Variants in STRBP observed in about 807,000 individuals in gnomAD.
STRBP encodes the protein spermatid perinuclear RNA binding protein.
Under a neutral mutation model 80.1 loss-of-function variants are expected in STRBP, and 13 were observed. The observed-to-expected ratio is 0.16, with a 90% CI of 0.11 to 0.26. The LOEUF is 0.26. STRBP is among the 10% of genes least tolerant of loss of function. The pLI is 1.00. For synonymous variants in STRBP, 284 were observed against 291.2 expected, an observed-to-expected ratio of 0.98 and a Z score of 0.25; for missense variants, 485 against 815.2, an observed-to-expected ratio of 0.59 and a Z score of 4.93.
At chr9:123,267,122 C>G (rs2041285238) in intron 1 of STRBP, among the ~76,000 whole-genome samples, 2 of 146,752 alleles carry the variant, frequency 1.4e-5, no homozygotes, top group Admixed American at 1.3e-4. Flanking sequence ...TTTCCCCACC[C>G]CCTTTTGCCC....
rs1242663368 is a variant in STRBP at position 123,258,718 on chromosome 9, G to A, written c.-302+9718C>T. On this transcript the variant is annotated intron_variant, in intron 1 of 18. Transcript: ENST00000348403. ...ACTCAGGAGGCTGAGGCAGAATGGT[G>A]TGAACCCCGGAGGCAGAGCTTGCAG... Among the ~76,000 whole-genome samples, 4 of 151,470 alleles carry A rather than the reference G, an allele frequency of 2.6e-5. No individual in the cohort carries two copies. In the East Asian group the frequency reaches 7.8e-4, roughly 29 times the overall value.
chr9:123,204,996 G>A (rs1196789170), intron 2 of STRBP, among the ~76,000 whole-genome samples: 4 of 149,130 alleles, frequency 2.7e-5, no homozygotes, highest in African/African-American at 9.9e-5. Flanking sequence ...AGGCACGGTA[G>A]CTCACACGCC....
intron 1 of STRBP, among the ~76,000 whole-genome samples, chr9:123,245,812 GTTGT>G (rs1047749240): frequency 6.6e-5 from 10 of 152,188 alleles, no homozygotes; most frequent in African/African-American, 2.2e-4. Context: ...ATTATTAACA[GTTGT>G]TAAGGATCTG....
rs535767658 is a variant in STRBP at position 123,218,518 on chromosome 9, C to T, written c.-165+18312G>A. Among the ~76,000 whole-genome samples the T allele has an allele frequency of 2.5e-4, 37 of 150,692 alleles. No homozygotes were observed. The South Asian group carries it at 3.6e-3, about 15-fold the overall frequency. Reference sequence around the variant, plus strand: ...CCGAGTAGCTGGGACTACAGGCGCCCGCCACCGCGCCCGGCTAATTTTTTG... The same window carrying T: ...CCGAGTAGCTGGGACTACAGGCGCCTGCCACCGCGCCCGGCTAATTTTTTG... On this transcript the variant is annotated intron_variant, in intron 2 of 18. Transcript: ENST00000348403.
At chr9:123,187,550 T>C (rs2038748075) in intron 2 of STRBP, among the ~76,000 whole-genome samples, 2 of 152,238 alleles carry the variant, frequency 1.3e-5, no homozygotes, top group African/African-American at 4.8e-5. Flanking sequence ...TAAATTTCTC[T>C]GAAAAACTAA....
Position 123,128,218 on chromosome 9 carries a change from G to A in STRBP, c.1938C>T (p.Ala646=). 1 of 1,614,180 alleles carries A rather than the reference G, an allele frequency of 6.2e-7. No homozygotes were observed. Among genetic ancestry groups the A allele is most frequent in the Non-Finnish European group, 8.5e-7 (1 of 1,180,022 alleles). The change falls in exon 18 of 19, where the codon GCC becomes GCT. Residue 646 remains alanine, a synonymous_variant. Coordinates refer to ENST00000348403, the MANE Select transcript of STRBP (RefSeq NM_018387.5). ...TCAGTAAGATGGTGTACGTACCATA[G>A]GCAGGGGCAGCTGTGCTGTAACCAT... ...TPYGYSTAAP[A]YGLPKRMVLL...
At chr9:123,174,511 T>C (rs1286188455) in intron 4 of STRBP, among the ~76,000 whole-genome samples, 2 of 152,220 alleles carry the variant, frequency 1.3e-5, no homozygotes, top group East Asian at 3.8e-4. Context: ...TACCACTGTA[T>C]ATTGGGAAAG....
intron 2 of STRBP, among the ~76,000 whole-genome samples, chr9:123,223,534 T>C (rs752269870): frequency 5.3e-5 from 8 of 152,152 alleles, no homozygotes; most frequent in Non-Finnish European, 4.4e-5. Flanking sequence ...GTTAAAGAAA[T>C]ACATTAGTTT....
intron 5 of STRBP, among the ~76,000 whole-genome samples, chr9:123,173,032 A>G (rs904857783): frequency 6.6e-6 from 1 of 152,152 alleles, no homozygotes; most frequent in African/African-American, 2.4e-5. Flanking sequence ...CAGTGATGCA[A>G]TGAGTCCTTG....
At chr9:123,249,697 A>G (rs1015702746) in intron 1 of STRBP, among the ~76,000 whole-genome samples, 1 of 152,188 alleles carries the variant, frequency 6.6e-6, no homozygotes, top group Non-Finnish European at 1.5e-5. Context: ...AAAAAAATAT[A>G]AAGCAACCGA....
chr9:123,165,708 C>T (rs1364198519), intron 6 of STRBP, among the ~76,000 whole-genome samples: 1 of 152,164 alleles, frequency 6.6e-6, no homozygotes, highest in African/African-American at 2.4e-5. Context: ...ATGACCAGAT[C>T]AGCCTAACCA....
chr9:123,231,817 T>C (rs1418030996), intron 2 of STRBP, among the ~76,000 whole-genome samples: 1 of 152,176 alleles, frequency 6.6e-6, no homozygotes, highest in Non-Finnish European at 1.5e-5. Context: ...CTTAACAAGA[T>C]AGAGTTCTTC....
chr9:123,252,917 C>G (rs1220114181), intron 1 of STRBP, among the ~76,000 whole-genome samples: 1 of 152,134 alleles, frequency 6.6e-6, no homozygotes, highest in African/African-American at 2.4e-5. Flanking sequence ...AGGTGACTTA[C>G]TAGGGGCTTT....
intron 2 of STRBP, among the ~76,000 whole-genome samples, chr9:123,190,340 C>CA (rs1259772372): frequency 1.3e-5 from 2 of 151,106 alleles, no homozygotes; most frequent in African/African-American, 4.9e-5. Context: ...CATATAAATC[C>CA]AATACTCTCC....
intron 1 of STRBP, among the ~76,000 whole-genome samples, chr9:123,260,638 GT>G (rs1564342412): frequency 1.3e-5 from 2 of 152,126 alleles, no homozygotes; most frequent in Admixed American, 1.3e-4. Context: ...TGGTTACGTG[GT>G]TTTTTTGGTT....
intron 18 of STRBP, 82 bp from the exon 19 acceptor site, chr9:123,125,755 T>C (rs2035870375): frequency 9.1e-7 from 1 of 1,096,958 alleles, no homozygotes; most frequent in African/African-American, 1.6e-5. Flanking sequence ...TATCTGACAG[T>C]AATTATCATT....
chr9:123,240,805 T>A (rs372488272), intron 1 of STRBP, among the ~76,000 whole-genome samples: 1 of 152,154 alleles, frequency 6.6e-6, no homozygotes. Context: ...TATATACAAA[T>A]CACCACACTA....
chr9:123,203,547 T>G (rs1335485922), intron 2 of STRBP, among the ~76,000 whole-genome samples: 3 of 152,164 alleles, frequency 2.0e-5, no homozygotes, highest in African/African-American at 7.2e-5. Context: ...ATAGTATCCT[T>G]GCTGACGTTC....
rs79591399 is a variant in STRBP, at chr9:123,263,673, T to TA, written c.-302+4762dup. ...AATCATTCCCCCTCAAATAGAGCAT[T>TA]ACCTGTCAAAGCATACGGAAATACC... On this transcript the variant is annotated intron_variant, in intron 1 of 18. Coordinates refer to ENST00000348403, the MANE Select transcript of STRBP (RefSeq NM_018387.5). Among the ~76,000 whole-genome samples, 3 of 152,236 alleles carry TA rather than the reference T, an allele frequency of 2.0e-5. No individual in the cohort carries two copies. In the East Asian group the frequency reaches 5.8e-4, roughly 29 times the overall value.
Sources: allele counts gnomAD v4.1 joint callset (sites outside exome capture counted in the v4.1 genomes callset), GRCh38; gene constraint gnomAD v4.1.1; transcripts MANE v1.5; gene names NCBI Gene and HGNC (gene_info 2026-07-23, HGNC 2026-07-21).